EEFSEC: variants seen among roughly 807,000 people sequenced by gnomAD.
The protein encoded by EEFSEC is eukaryotic elongation factor, selenocysteine-tRNA specific.
EEFSEC carries 43 observed loss-of-function variants against 42.1 expected under a neutral mutation model. The observed-to-expected ratio is 1.02, with a 90% confidence interval of 0.80 to 1.32. EEFSEC has a LOEUF of 1.32. EEFSEC is among the 40% of genes most tolerant of loss of function. The pLI is 0.00. For synonymous variants in EEFSEC, 354 were observed against 339.1 expected (o/e 1.04, Z -0.48); for missense variants, 745 against 803.6 (o/e 0.93, Z 0.88).
At chr3:128,169,091 G>A (rs890633269) in intron 1 of EEFSEC, among the ~76,000 whole-genome samples, 6 of 152,124 alleles carry the variant, frequency 3.9e-5, no homozygotes, top group Non-Finnish European at 8.8e-5. Flanking sequence ...TAAAACATGC[G>A]GAATTATAAA....
the EEFSEC span, among the ~76,000 whole-genome samples, chr3:128,420,312 G>T: frequency 4.6e-5 from 7 of 152,254 alleles, no homozygotes. Context: ...TTTCTTCCAA[G>T]ATGAAAATAA....
chr3:128,389,504 A>C (rs999565194), intron 6 of EEFSEC, among the ~76,000 whole-genome samples: 1 of 152,250 alleles, frequency 6.6e-6, no homozygotes, highest in Non-Finnish European at 1.5e-5. Flanking sequence ...CCTAGAGCCC[A>C]GGTTTCTGGC....
intron 1 of EEFSEC, among the ~76,000 whole-genome samples, chr3:128,166,094 A>C (rs2811473): frequency 0.15 from 23,369 of 152,186 alleles, 1,894 homozygotes; most frequent in Admixed American, 0.21. Context: ...TACGCTCTAG[A>C]GAGGAAAGAC....
At chr3:128,178,864 T>C (rs1412601782) in intron 1 of EEFSEC, among the ~76,000 whole-genome samples, 1 of 152,244 alleles carries the variant, frequency 6.6e-6, no homozygotes, top group Admixed American at 6.5e-5. Flanking sequence ...CAGTTATTGT[T>C]GTTACTGCTA....
chr3:128,374,677 G>C (rs1464639534), intron 6 of EEFSEC, among the ~76,000 whole-genome samples: 1 of 149,988 alleles, frequency 6.7e-6, no homozygotes, highest in Non-Finnish European at 1.5e-5. Context: ...GTTAGAAATT[G>C]TTAAAAAAAA....
chr3:128,297,319 T>C (rs950277007), intron 4 of EEFSEC, among the ~76,000 whole-genome samples: 1 of 152,170 alleles, frequency 6.6e-6, no homozygotes, highest in Non-Finnish European at 1.5e-5. Context: ...TCAAGTGTGA[T>C]GATAACTTTC....
At chr3:128,359,089 GAT>G (rs2067493890) in intron 6 of EEFSEC, among the ~76,000 whole-genome samples, 1 of 152,224 alleles carries the variant, frequency 6.6e-6, no homozygotes, top group South Asian at 2.1e-4. Flanking sequence ...CACGTAGAAA[GAT>G]AAAGCAGGGA....
intron 2 of EEFSEC, among the ~76,000 whole-genome samples, chr3:128,256,809 C>T (rs1347374364): frequency 1.3e-5 from 2 of 152,212 alleles, no homozygotes; most frequent in Admixed American, 6.5e-5. Context: ...GTTGCCCAGT[C>T]TGGATCTCAC....
chr3:128,292,688 CTCTT>C (rs760895487), intron 4 of EEFSEC, among the ~76,000 whole-genome samples: 16 of 151,812 alleles, frequency 1.1e-4, no homozygotes, highest in Non-Finnish European at 2.1e-4. Context: ...TGTAATTTCT[CTCTT>C]TATTTTGATC....
At chr3:128,341,126 C>A in intron 4 of EEFSEC, 107 bp from the exon 5 acceptor site, 1 of 1,366,078 alleles carries the variant, frequency 7.3e-7, no homozygotes, top group Non-Finnish European at 9.9e-7. Flanking sequence ...CCTCACGGTG[C>A]CTGCAGGTGG....
chr3:128,418,236 G>A, the EEFSEC span, among the ~76,000 whole-genome samples: 1 of 151,838 alleles, frequency 6.6e-6, no homozygotes. Flanking sequence ...CCAGCTCACG[G>A]CCCCTCGGTA....
intron 1 of EEFSEC, among the ~76,000 whole-genome samples, chr3:128,206,531 C>T (rs925552008): frequency 6.6e-6 from 1 of 151,962 alleles, no homozygotes; most frequent in African/African-American, 2.4e-5. Context: ...ACTGGACCTA[C>T]CTGAAGGAAA....
At chr3:128,354,711 T>A (rs902256811) in intron 5 of EEFSEC, among the ~76,000 whole-genome samples, 3 of 152,248 alleles carry the variant, frequency 2.0e-5, no homozygotes, top group Non-Finnish European at 4.4e-5. Flanking sequence ...TGGAGAAAGA[T>A]AGATCCTCTG....
At chr3:128,284,733 A>G (rs977162408) in intron 4 of EEFSEC, among the ~76,000 whole-genome samples, 2 of 152,152 alleles carry the variant, frequency 1.3e-5, no homozygotes, top group African/African-American at 4.8e-5. Flanking sequence ...AGGACCCCAT[A>G]TAGCTGTACA....
At chr3:128,242,180 A>G (rs908761793) in intron 1 of EEFSEC, among the ~76,000 whole-genome samples, 2 of 152,076 alleles carry the variant, frequency 1.3e-5, no homozygotes, top group African/African-American at 4.8e-5. Context: ...TAAGCTGGGT[A>G]TGGTGGCATG....
chr3:128,261,148 G>A lies in EEFSEC; in HGVS notation c.525-980G>A, dbSNP rs142642573. ...AGAACAGGCCCAGGTGGAGAGAAGT[G>A]TGACAAAGAGACTGAGAGCCCTGGC... On this transcript the variant is annotated intron_variant, in intron 2 of 6. Coordinates refer to ENST00000254730, the MANE Select transcript of EEFSEC (RefSeq NM_021937.5). Among the ~76,000 whole-genome samples the A allele has an allele frequency of 8.7e-3, 1,325 of 152,288 alleles. 11 individuals carry two copies. The highest frequency in any genetic ancestry group is 0.012 in the Non-Finnish European group (824 of 68,012).
At chr3:128,168,544 C>T (rs1000828219) in intron 1 of EEFSEC, among the ~76,000 whole-genome samples, 5 of 152,210 alleles carry the variant, frequency 3.3e-5, no homozygotes, top group Admixed American at 1.3e-4. Context: ...CTGGCCTGAG[C>T]CTTTCTGAGT....
At chr3:128,255,262 C>T (rs192095220) in intron 2 of EEFSEC, among the ~76,000 whole-genome samples, 1 of 151,748 alleles carries the variant, frequency 6.6e-6, no homozygotes, top group Non-Finnish European at 1.5e-5. Context: ...AAGGGCCTCT[C>T]GGGGACGTGA....
downstream of EEFSEC, among the ~76,000 whole-genome samples, chr3:128,409,388 C>T (rs2068158138): frequency 2.0e-5 from 3 of 151,722 alleles, no homozygotes; most frequent in South Asian, 6.2e-4. Context: ...GTGTGTGTCC[C>T]GTGTGCACGT....
Sources: allele counts gnomAD v4.1 joint callset (sites outside exome capture counted in the v4.1 genomes callset), GRCh38; gene constraint gnomAD v4.1.1; transcripts MANE v1.5; gene names NCBI Gene and HGNC (gene_info 2026-07-23, HGNC 2026-07-21).